The following NOTCH1 variants were observed in gnomAD, a reference collection of about 807,000 sequenced individuals.
NOTCH1 encodes the protein notch receptor 1, also known as neurogenic locus notch homolog protein 1.
NOTCH1 carries 37 observed loss-of-function variants against 254.8 expected under a neutral mutation model. That is an observed-to-expected ratio of 0.15 (90% confidence interval 0.11 to 0.19). NOTCH1 has a LOEUF of 0.19. Ranked by LOEUF, NOTCH1 falls within the 10% of genes least tolerant of loss-of-function variation. The probability of loss-of-function intolerance (pLI) is 1.00; values close to 1 mark genes in which losing one functional copy is unlikely to be tolerated. For missense variants in NOTCH1, 2,972 were observed against 3,708.6 expected (o/e 0.80, Z 5.16); for synonymous variants, 1,731 against 1,618.1 (o/e 1.07, Z -1.68).
rs142141477 is a variant in NOTCH1 at position 136,533,137 on chromosome 9, C to G, written c.141-9158G>C. Among the ~76,000 whole-genome samples the G allele has an allele frequency of 9.7e-3, 448 of 46,348 alleles. 140 individuals carry two copies. The highest frequency in any genetic ancestry group is 0.041 in the African/African-American group (362 of 8,800). The allele number at this position is 46,348 out of a possible 152,430, so 30.4% of individuals were successfully genotyped here. A position where few individuals can be genotyped will look rare whatever the true frequency, so the allele number is the denominator to read the frequency against. ...CCTCCCCACCTGGCTCTCCGTCAGA[C>G]AGGAATGAGGCCAGCCTCCTTCTGA... On this transcript the variant is annotated intron_variant, in intron 2 of 33. Coordinates refer to ENST00000651671, the MANE Select transcript of NOTCH1 (RefSeq NM_017617.5).
Position 136,496,989 on chromosome 9 carries a change from C to T in NOTCH1, c.6750G>A (p.Ala2250=), listed in dbSNP as rs758285863. ...CCAGCGCCGCCATCTCGGGCTTGGCCGCCACGTTCAGGTGCCCGATGCCCA... is the reference window on the plus strand; with the variant it reads ...CCAGCGCCGCCATCTCGGGCTTGGCTGCCACGTTCAGGTGCCCGATGCCCA... ...THLGIGHLNV[A]AKPEMAALGG... is the part of the protein sequence containing the mutation. Residue 2250 remains alanine (A), a synonymous_variant, in exon 34 of 34, where the codon GCG becomes GCA. Coordinates refer to ENST00000651671, the MANE Select transcript of NOTCH1 (RefSeq NM_017617.5). 2.9e-5 allele frequency: 46 copies of T among 1,610,304 alleles called. No homozygotes were observed. Among genetic ancestry groups the T allele is most frequent in the Admixed American group, 6.7e-5 (4 of 59,842 alleles).
At position 136,522,178 on chromosome 9, in the gene NOTCH1, C is replaced by T. The variant is rs548836886; in HGVS notation, c.742+672G>A. On this transcript the variant is annotated intron_variant, in intron 4 of 33. Coordinates refer to ENST00000651671, the MANE Select transcript of NOTCH1 (RefSeq NM_017617.5). ...ATTTTTAGTAGAGACGGGGTTTCGC[C>T]GTGTTAGCCAGGATGGTCTCCATCT... Among the ~76,000 whole-genome samples the T allele has an allele frequency of 5.9e-5, 9 of 152,168 alleles. No homozygotes were observed. The South Asian group carries it at 1.7e-3, about 28-fold the overall frequency.
chr9:136,523,586 T>TGGGGCAGGGGCTCCCAATTACTTCC, intron 3 of NOTCH1, 131 bp downstream of exon 3: 1 of 1,226,316 alleles, frequency 8.2e-7, no homozygotes, highest in South Asian at 1.4e-5. Context: ...GCAGGGACCC[T>TGGGGCAGGGGCTCCCAATTACTTCC]GGGGCAGGGG....
intron 2 of NOTCH1, among the ~76,000 whole-genome samples, chr9:136,527,353 G>A (rs1264915958): frequency 6.6e-6 from 1 of 152,244 alleles, no homozygotes; most frequent in Non-Finnish European, 1.5e-5. Flanking sequence ...CACACCCCCG[G>A]TACCCGGGCC....
chr9:136,515,138 C>T, intron 12 of NOTCH1, 152 bp downstream of exon 12: 1 of 732,068 alleles, frequency 1.4e-6, no homozygotes, highest in Non-Finnish European at 2.4e-6. Context: ...AGTTATAGCC[C>T]TGGTCCCGCT....
rs2133314848 is a variant in NOTCH1 at position 136,496,306 on chromosome 9, G to A, written c.7433C>T (p.Ala2478Val). 1.3e-6 allele frequency: 2 copies of A among 1,595,804 alleles called. No individual in the cohort carries two copies. The highest frequency in any genetic ancestry group is 8.5e-7 in the Non-Finnish European group (1 of 1,170,914). The change falls in exon 34 of 34, where the codon GCA becomes GTA. Residue 2478 changes from alanine to valine, a missense_variant. Coordinates refer to ENST00000651671, the MANE Select transcript of NOTCH1 (RefSeq NM_017617.5). Reference protein sequence around the residue: ...LPSSLVPPVTAAQFLTPPSQH... With the variant: ...LPSSLVPPVTVAQFLTPPSQH... ...CGAGGGGGGCGTCAGGAACTGGGCT[G>A]CGGTCACGGGTGGGACCAGCGAGGA...
At chr9:136,543,167 CAGAG>C (rs1050635050) in intron 2 of NOTCH1, 1 of 163,316 alleles carries the variant, frequency 6.1e-6, no homozygotes, top group African/African-American at 2.4e-5. Flanking sequence ...CTGGGGCAAA[CAGAG>C]AGCCCAAAGG....
Position 136,536,801 on chromosome 9 carries a change from C to T in NOTCH1, c.140+7223G>A, listed in dbSNP as rs551059916. On this transcript the variant is annotated intron_variant, in intron 2 of 33. Coordinates refer to ENST00000651671, the MANE Select transcript of NOTCH1 (RefSeq NM_017617.5). ...TGGCCTGGTTCTTAAGGGGCATGCT[C>T]CTCCCCTGCCCAGGGGGGCCTGCAT... 9.2e-5 allele frequency among the ~76,000 whole-genome samples: 14 copies of T among 152,366 alleles called. No individual in the cohort carries two copies. In the South Asian group the frequency reaches 2.9e-3, roughly 32 times the overall value.
chr9:136,524,639 C>CTTTTTTTTTTTTTT (rs869128901), intron 2 of NOTCH1, among the ~76,000 whole-genome samples: 7 of 54,410 alleles, frequency 1.3e-4, no homozygotes, highest in Non-Finnish European at 1.9e-4. Context: ...TTTTTCTTTT[C>CTTTTTTTTTTTTTT]TTTTTTTTTT....
rs2133343531 is a variant in NOTCH1, at chr9:136,506,801, C to G, written c.3816G>C (p.Leu1272=). 2 of 1,611,910 alleles carry G rather than the reference C, an allele frequency of 1.2e-6. No individual in the cohort carries two copies. The highest frequency in any genetic ancestry group is 1.7e-6 in the Non-Finnish European group (2 of 1,179,518). The change falls in exon 23 of 34, where the codon CTG becomes CTC. Residue 1272 remains leucine, a synonymous_variant. Transcript: ENST00000651671. The surrounding 1 kb of genome is among the most constrained non-coding windows in gnomAD (Gnocchi z 4.5). ...TGCCACGGGCGTCGCAGGGATTGGA[C>G]AGGCACTCGTTGACATCCCCCTCAC... ...ERCEGDVNEC[L]SNPCDARGTQ...
chr9:136,524,021 C>T (rs2133380031), intron 2 of NOTCH1, 42 bp from the exon 3 acceptor site: 1 of 1,533,284 alleles, frequency 6.5e-7, no homozygotes, highest in South Asian at 1.2e-5. Context: ...CCACCTGCTT[C>T]CCCAGCGCCC....
Position 136,506,243 on chromosome 9 carries a change from G to A in NOTCH1, c.4014+284C>T, listed in dbSNP as rs567629786. On this transcript the variant is annotated intron_variant, in intron 24 of 33. Coordinates refer to ENST00000651671, the MANE Select transcript of NOTCH1 (RefSeq NM_017617.5). The surrounding 1 kb of genome is among the most constrained non-coding windows in gnomAD (Gnocchi z 4.5). ...AGGAAGGGCTGCTGTTGGTAACAAT[G>A]TATCACTGAAATCCAGAGTGAAATT... Among the ~76,000 whole-genome samples, 4 of 152,270 alleles carry A rather than the reference G, an allele frequency of 2.6e-5. No homozygotes were observed. The highest frequency in any genetic ancestry group is 1.9e-4 in the East Asian group (1 of 5,174).
chr9:136,542,495 A>G (rs1843745576), intron 2 of NOTCH1, among the ~76,000 whole-genome samples: 1 of 149,804 alleles, frequency 6.7e-6, no homozygotes, highest in Admixed American at 6.7e-5. Flanking sequence ...GATTTAGGGC[A>G]TCAAGCGTCC....
At chr9:136,523,229 C>A in intron 3 of NOTCH1, 41 bp from the exon 4 acceptor site, 1 of 1,545,124 alleles carries the variant, frequency 6.5e-7, no homozygotes, top group Non-Finnish European at 8.7e-7. Flanking sequence ...GGCCTCACTG[C>A]TCCCCGAGGC....
At position 136,510,495 on chromosome 9, in the gene NOTCH1, C is replaced by T. The variant is rs560303373; in HGVS notation, c.2740+158G>A. On this transcript the variant is annotated intron_variant, in intron 17 of 33. Transcript: ENST00000651671. ...CTGGGGCCCTCCTGAACCACCCTGG[C>T]CATCCCTCAGCACATCCCCCACACC... 62 of 980,832 alleles carry T rather than the reference C, an allele frequency of 6.3e-5. No individual in the cohort carries two copies. In the South Asian group the frequency reaches 8.7e-4, roughly 14 times the overall value. The allele number at this position is 980,832 out of a possible 1,614,324, so 60.8% of individuals were successfully genotyped here.
chr9:136,535,277 C>T (rs1041044710), intron 2 of NOTCH1, among the ~76,000 whole-genome samples: 2 of 151,942 alleles, frequency 1.3e-5, no homozygotes, highest in Non-Finnish European at 2.9e-5. Flanking sequence ...CTTGGGGACC[C>T]ACCCGAAGCC....
At chr9:136,504,602 G>A (rs2133335374) in intron 26 of NOTCH1, 71 bp downstream of exon 26, 2 of 1,413,886 alleles carry the variant, frequency 1.4e-6, no homozygotes, top group South Asian at 1.5e-5. Context: ...CGGCCGTGAG[G>A]GGCAGGGAGG....
At position 136,529,394 on chromosome 9, in the gene NOTCH1, A is replaced by G. The variant is rs1017720113; in HGVS notation, c.141-5415T>C. ...AGCCCCTCCCTTGGGTAGAGGCTAG[A>G]CCAAGTTTCCCCAATCCCAGTGGGC... is the stretch of plus-strand genomic sequence containing the variant. On this transcript the variant is annotated intron_variant, in intron 2 of 33. Coordinates refer to ENST00000651671, the MANE Select transcript of NOTCH1 (RefSeq NM_017617.5). Among the ~76,000 whole-genome samples the G allele has an allele frequency of 9.2e-5, 14 of 152,280 alleles. No individual in the cohort carries two copies. In the East Asian group the frequency reaches 2.7e-3, roughly 29 times the overall value.
At position 136,507,850 on chromosome 9, in the gene NOTCH1, G is replaced by A. The variant is rs1843113273; in HGVS notation, c.3510+105C>T. 19 of 1,165,388 alleles carry A rather than the reference G, an allele frequency of 1.6e-5. No individual in the cohort carries two copies. The South Asian group carries it at 2.1e-4, about 13-fold the overall frequency. 72.2% of individuals were successfully genotyped at this position (1,165,388 alleles called of 1,614,324 possible). On this transcript the variant is annotated intron_variant, in intron 21 of 33. Coordinates refer to ENST00000651671, the MANE Select transcript of NOTCH1 (RefSeq NM_017617.5). ...CCCTAATGAGACTGAACAGTGCATGGGCCTATCAGGTTCAGTTTTCTCCAC... is the reference window on the plus strand; with the variant it reads ...CCCTAATGAGACTGAACAGTGCATGAGCCTATCAGGTTCAGTTTTCTCCAC...
Sources: allele counts gnomAD v4.1 joint callset (sites outside exome capture counted in the v4.1 genomes callset), GRCh38; gene constraint gnomAD v4.1.1; non-coding constraint Gnocchi (gnomAD v3.1); transcripts MANE v1.5; gene names NCBI Gene and HGNC (gene_info 2026-07-23, HGNC 2026-07-21).